CAMSAP1: variants seen among roughly 807,000 people sequenced by gnomAD.
CAMSAP1 encodes the protein calmodulin-regulated spectrin-associated protein 1.
CAMSAP1 carries 58 observed loss-of-function variants against 143.5 expected under a neutral mutation model. That is an observed-to-expected ratio of 0.40 (90% CI 0.33 to 0.50). The LOEUF is 0.50. Ranked by LOEUF, CAMSAP1 falls within the 20% of genes least tolerant of loss-of-function variation. The pLI is 0.45. For synonymous variants in CAMSAP1, 945 were observed against 859.3 expected (o/e 1.10, Z -1.74); for missense variants, 1,969 against 2,115.7 (o/e 0.93, Z 1.36).
chr9:135,857,493 TAC>T (rs1022850398), intron 5 of CAMSAP1, among the ~76,000 whole-genome samples: 2 of 152,214 alleles, frequency 1.3e-5, no homozygotes, highest in Non-Finnish European at 1.5e-5. Flanking sequence ...GATGATTCTG[TAC>T]ACAGTTATGT....
intron 1 of CAMSAP1, among the ~76,000 whole-genome samples, chr9:135,903,462 G>T (rs775179323): frequency 6.6e-6 from 1 of 152,182 alleles, no homozygotes; most frequent in Admixed American, 6.5e-5. Flanking sequence ...TGAAACTGAA[G>T]GAAGTGTTTC....
At chr9:135,813,071 A>C (rs1338513135) in intron 16 of CAMSAP1, among the ~76,000 whole-genome samples, 1 of 152,258 alleles carries the variant, frequency 6.6e-6, no homozygotes, top group East Asian at 1.9e-4. Flanking sequence ...TAACTTTTAA[A>C]AACAAACCCT....
chr9:135,863,340 A>C (rs951353788), intron 4 of CAMSAP1, among the ~76,000 whole-genome samples: 3 of 152,196 alleles, frequency 2.0e-5, no homozygotes, highest in Non-Finnish European at 4.4e-5. Context: ...GACACAGGCC[A>C]CTGAGGGCAG....
At position 135,821,135 on chromosome 9, in the gene CAMSAP1, T is replaced by C; in HGVS notation, c.3526A>G (p.Asn1176Asp). The C allele has an allele frequency of 6.2e-7, 1 of 1,613,192 alleles. No homozygotes were observed. The highest frequency in any genetic ancestry group is 8.5e-7 in the Non-Finnish European group (1 of 1,179,906). ...FDSYRLHDESNQRTLTLSSSK... is the reference protein window; with the variant it reads ...FDSYRLHDESDQRTLTLSSSK... Reference sequence around the variant, plus strand: ...GAGGACAGAGTAAGTGTCCGCTGATTGCTTTCATCATGGAGCCTGTAACTG... The same window carrying C: ...GAGGACAGAGTAAGTGTCCGCTGATCGCTTTCATCATGGAGCCTGTAACTG... The change falls in exon 11 of 17, where the codon AAT (asparagine) becomes GAT (aspartate). Residue 1176 changes from asparagine (N) to aspartate (D), a missense_variant. By Grantham distance (23) the Asn-to-Asp change is conservative. Around this residue, in one of 4 missense-constraint regions of CAMSAP1, gnomAD observed 1,390 missense variants for 1,420.8 expected, o/e 0.98. Transcript: ENST00000389532. The surrounding 1 kb of genome is among the most constrained non-coding windows in gnomAD (Gnocchi z 4.6).
rs1381155042 is a variant in CAMSAP1 at position 135,851,805 on chromosome 9, C to T, written c.809-1344G>A. 2.0e-5 allele frequency among the ~76,000 whole-genome samples: 3 copies of T among 152,252 alleles called. No homozygotes were observed. In the East Asian group the frequency reaches 5.8e-4, roughly 29 times the overall value. ...ACCGCTATATGGTCCTCCACGATTT[C>T]TCACAATTATGACAAATGCTGCCAT... On this transcript the variant is annotated intron_variant, in intron 5 of 16. Transcript: ENST00000389532.
chr9:135,812,389 G>A (rs577140086), intron 16 of CAMSAP1, among the ~76,000 whole-genome samples: 11 of 152,124 alleles, frequency 7.2e-5, no homozygotes, highest in South Asian at 2.1e-4. Flanking sequence ...AGAGCATCAC[G>A]CTAAGTGAAA....
At chr9:135,819,556 A>G (rs1435618346) in intron 11 of CAMSAP1, among the ~76,000 whole-genome samples, 1 of 150,696 alleles carries the variant, frequency 6.6e-6, no homozygotes, top group African/African-American at 2.4e-5. Context: ...AAAATTGGCT[A>G]GATGTGGTGG....
chr9:135,831,181 G>A (rs956609253), intron 7 of CAMSAP1, among the ~76,000 whole-genome samples: 3 of 151,952 alleles, frequency 2.0e-5, no homozygotes, highest in Non-Finnish European at 4.4e-5. Flanking sequence ...AAAAAGTAAC[G>A]GCAAGAAAAC....
chr9:135,905,660 G>C (rs1267460903), intron 1 of CAMSAP1, among the ~76,000 whole-genome samples: 1 of 152,226 alleles, frequency 6.6e-6, no homozygotes, highest in Non-Finnish European at 1.5e-5. Flanking sequence ...AATAACAAAA[G>C]CCAGTCTCAG....
chr9:135,840,266 C>G (rs1218898962), intron 7 of CAMSAP1, among the ~76,000 whole-genome samples: 1 of 152,218 alleles, frequency 6.6e-6, no homozygotes, highest in African/African-American at 2.4e-5. Context: ...GAGACACTCC[C>G]CAGCCTCGGA....
intron 16 of CAMSAP1, among the ~76,000 whole-genome samples, chr9:135,812,695 G>T (rs535633504): frequency 1.3e-5 from 2 of 152,222 alleles, no homozygotes; most frequent in African/African-American, 4.8e-5. Context: ...TGGGCCGGGC[G>T]CTGTGGCTCA....
chr9:135,816,187 C>CAA (rs1835225451), intron 14 of CAMSAP1, among the ~76,000 whole-genome samples, 182 bp from the exon 15 acceptor site: 1 of 152,220 alleles, frequency 6.6e-6, no homozygotes, highest in Non-Finnish European at 1.5e-5. Context: ...GAGCAAAATA[C>CAA]AAAAGCAAAC....
intron 5 of CAMSAP1, among the ~76,000 whole-genome samples, chr9:135,860,702 G>A (rs1283450521): frequency 6.9e-6 from 1 of 144,702 alleles, no homozygotes; most frequent in Non-Finnish European, 1.5e-5. Flanking sequence ...TCTTTAAGGT[G>A]TCTAGTTCTC....
At chr9:135,892,582 G>A (rs1266522698) in intron 1 of CAMSAP1, among the ~76,000 whole-genome samples, 1 of 151,892 alleles carries the variant, frequency 6.6e-6, no homozygotes, top group Non-Finnish European at 1.5e-5. Context: ...GCCAGGTGCA[G>A]TGGCTCATTC....
chr9:135,887,006 T>C (rs958543776), intron 1 of CAMSAP1, among the ~76,000 whole-genome samples: 1 of 151,908 alleles, frequency 6.6e-6, no homozygotes, highest in Non-Finnish European at 1.5e-5. Context: ...AAGGGGAGCT[T>C]TGCAATGGAG....
At chr9:135,855,170 T>G (rs1836910863) in intron 5 of CAMSAP1, among the ~76,000 whole-genome samples, 1 of 152,120 alleles carries the variant, frequency 6.6e-6, no homozygotes, top group Non-Finnish European at 1.5e-5. Flanking sequence ...TTTTGTATTT[T>G]TAGTAGAGAC....
intron 7 of CAMSAP1, among the ~76,000 whole-genome samples, chr9:135,849,165 C>CTAGGCGCT (rs1836681942): frequency 6.6e-6 from 1 of 152,242 alleles, no homozygotes; most frequent in African/African-American, 2.4e-5. Flanking sequence ...ACAGCTTAGC[C>CTAGGCGCT]TAGGCGCCTT....
In CAMSAP1 at chr9:135,820,699, A is replaced by G; in HGVS notation, c.3822+140T>C. ...CCTCGGGACAGAGACTCTGTGGCCC[A>G]CAAAGCTAAACACACACATCCCCTG... On this transcript the variant is annotated intron_variant, in intron 11 of 16. Transcript: ENST00000389532. The surrounding 1 kb of genome is among the most constrained non-coding windows in gnomAD (Gnocchi z 4.4). 1 of 1,141,070 alleles carries G rather than the reference A, an allele frequency of 8.8e-7. No individual in the cohort carries two copies. Among genetic ancestry groups the G allele is most frequent in the Non-Finnish European group, 1.2e-6 (1 of 817,906 alleles). The allele number at this position is 1,141,070 out of a possible 1,614,324, so 70.7% of individuals were successfully genotyped here.
intron 1 of CAMSAP1, among the ~76,000 whole-genome samples, chr9:135,903,387 G>A (rs568401006): frequency 1.3e-5 from 2 of 152,342 alleles, no homozygotes; most frequent in South Asian, 2.1e-4. Context: ...CAAAAGAAAG[G>A]GAGGGGGACC....
Sources: gnomAD v4.1 joint callset for allele counts (sites outside exome capture counted in the v4.1 genomes callset) on GRCh38, gnomAD v4.1.1 for gene constraint, gnomAD v4.1.1 regional missense constraint, Gnocchi (gnomAD v3.1) non-coding constraint, MANE v1.5 for transcripts, NCBI Gene and HGNC (gene_info 2026-07-23, HGNC 2026-07-21) for gene names.